Variants in STXBP5 observed in about 807,000 individuals in gnomAD.
STXBP5 encodes syntaxin-binding protein 5.
Under a neutral mutation model 152.4 loss-of-function variants are expected in STXBP5, and 50 were observed. The ratio of observed to expected loss-of-function variants is 0.33; its 90% CI spans 0.26 to 0.42. STXBP5 has a LOEUF of 0.42. STXBP5 is among the 10% of genes least tolerant of loss of function. The probability of loss-of-function intolerance (pLI) is 1.00; values close to 1 mark genes in which losing one functional copy is unlikely to be tolerated. For missense variants in STXBP5, 1,167 were observed against 1,388.6 expected (o/e 0.84, Z 2.54); for synonymous variants, 492 against 494.7 (o/e 0.99, Z 0.07).
In STXBP5 at chr6:147,316,393, T is replaced by C. The variant is rs1782648326; in HGVS notation, c.1788T>C (p.Asn596=). 2 of 1,546,896 alleles carry C rather than the reference T, an allele frequency of 1.3e-6. No individual in the cohort carries two copies. Among genetic ancestry groups the C allele is most frequent in the East Asian group, 2.3e-5 (1 of 42,818 alleles). ...GTTCATCTGATGGGCTTCGTGATAA[T>C]GTACCTTGTTTAAAGTAAGTTATAA... ...SSSSSDGLRD[N]VPCLKVKNSP... is the part of the protein sequence containing the mutation. The change falls in exon 16 of 28, where the codon AAT becomes AAC. Residue 596 remains asparagine (N), a synonymous_variant. Coordinates refer to ENST00000321680, the MANE Select transcript of STXBP5 (RefSeq NM_001127715.4).
Position 147,364,042 on chromosome 6 carries a change from C to T in STXBP5, c.2957C>T (p.Pro986Leu). ...LRPLLDVYYL[P>L]LTNMRIARTF... is the part of the protein sequence containing the mutation. The stretch of plus-strand genomic sequence containing the variant: ...CCTCTGTTGGATGTGTATTACTTGC[C>T]CCTTACCAATATGCGGATAGCCAGA... Residue 986 changes from proline to leucine, a missense_variant, in exon 25 of 28, where the codon CCC becomes CTC. Pro to Leu is a moderately conservative substitution (Grantham distance 98). Transcript: ENST00000321680. The T allele has an allele frequency of 6.2e-7, 1 of 1,613,846 alleles. No homozygotes were observed. Among genetic ancestry groups the T allele is most frequent in the Non-Finnish European group, 8.5e-7 (1 of 1,179,970 alleles).
At chr6:147,313,762 A>T in intron 11 of STXBP5, 122 bp from the exon 12 acceptor site, 1 of 655,938 alleles carries the variant, frequency 1.5e-6, no homozygotes, top group Non-Finnish European at 2.3e-6. Context: ...ATATATTTAC[A>T]AAAATTAAAT....
chr6:147,289,560 A>G (rs1440719256), intron 8 of STXBP5, among the ~76,000 whole-genome samples: 1 of 152,156 alleles, frequency 6.6e-6, no homozygotes, highest in Non-Finnish European at 1.5e-5. Context: ...TACATGATTG[A>G]CAGAATGTTA....
chr6:147,359,140 A>C lies in STXBP5; in HGVS notation c.2362A>C (p.Lys788Gln), dbSNP rs772122708. 37 of 1,613,922 alleles carry C rather than the reference A, an allele frequency of 2.3e-5. No homozygotes were observed. Among genetic ancestry groups the C allele is most frequent in the Middle Eastern group, 1.6e-4 (1 of 6,080 alleles). Residue 788 changes from lysine to glutamine, a missense_variant, in exon 23 of 28, where the codon AAA (lysine) becomes CAA (glutamine). Physicochemically the swap from Lys to Gln is moderately conservative, Grantham distance 53. Transcript: ENST00000321680. ...SRSSSVTSIDKESREAISALH... is the reference protein window; with the variant it reads ...SRSSSVTSIDQESREAISALH... ...GAGTTCAAGTGTAACAAGCATTGAC[A>C]AAGAATCCCGAGAAGCGATCTCCGC...
At chr6:147,252,390 C>G (rs1259119614) in intron 4 of STXBP5, among the ~76,000 whole-genome samples, 1 of 151,816 alleles carries the variant, frequency 6.6e-6, no homozygotes, top group Admixed American at 6.6e-5. Flanking sequence ...CATAAATGAC[C>G]TGATAGAGCT....
intron 26 of STXBP5, among the ~76,000 whole-genome samples, chr6:147,375,194 T>C (rs1214710891): frequency 6.6e-6 from 1 of 152,052 alleles, no homozygotes; most frequent in Non-Finnish European, 1.5e-5. Context: ...ATTAATAAAA[T>C]AGAAAAGGCA....
chr6:147,237,400 T>C (rs1778332347), intron 3 of STXBP5, among the ~76,000 whole-genome samples: 1 of 152,154 alleles, frequency 6.6e-6, no homozygotes, highest in African/African-American at 2.4e-5. Context: ...ACTGTATAGG[T>C]GAAGGAGCCA....
At chr6:147,332,366 A>G (rs1032313408) in intron 18 of STXBP5, among the ~76,000 whole-genome samples, 2 of 152,216 alleles carry the variant, frequency 1.3e-5, no homozygotes, top group African/African-American at 4.8e-5. Flanking sequence ...AAAGTACTTG[A>G]AGGAGGATTT....
intron 2 of STXBP5, among the ~76,000 whole-genome samples, chr6:147,222,241 C>G (rs1000532724): frequency 6.6e-6 from 1 of 152,176 alleles, no homozygotes; most frequent in African/African-American, 2.4e-5. Flanking sequence ...TGCAACATTA[C>G]TGCCATTTCG....
chr6:147,380,657 A>T (rs1008383177), intron 26 of STXBP5, among the ~76,000 whole-genome samples: 1 of 151,994 alleles, frequency 6.6e-6, no homozygotes, highest in Admixed American at 6.6e-5. Context: ...AAAAAAAAAG[A>T]TTGATTGGAA....
At chr6:147,326,907 T>C (rs1054499045) in intron 17 of STXBP5, among the ~76,000 whole-genome samples, 2 of 152,198 alleles carry the variant, frequency 1.3e-5, no homozygotes, top group African/African-American at 4.8e-5. Flanking sequence ...AATAATGCAG[T>C]TGATTGATTT....
intron 2 of STXBP5, among the ~76,000 whole-genome samples, chr6:147,220,667 GA>G (rs1420901708): frequency 6.6e-6 from 1 of 152,082 alleles, no homozygotes; most frequent in Non-Finnish European, 1.5e-5. Context: ...GTCTGTGTCT[GA>G]AATTAATATA....
At chr6:147,285,394 A>G (rs570633119) in intron 8 of STXBP5, among the ~76,000 whole-genome samples, 13 of 152,278 alleles carry the variant, frequency 8.5e-5, no homozygotes, top group African/African-American at 3.1e-4. Flanking sequence ...TTATAGATGA[A>G]TAAATAAACC....
chr6:147,206,697 A>G (rs538602438), intron 2 of STXBP5, among the ~76,000 whole-genome samples: 7 of 152,104 alleles, frequency 4.6e-5, no homozygotes, highest in Non-Finnish European at 1.0e-4. Context: ...ATTTGTAAAA[A>G]CTGTTAGGTT....
intron 25 of STXBP5, among the ~76,000 whole-genome samples, chr6:147,372,627 G>A (rs939746498): frequency 2.6e-5 from 4 of 151,064 alleles, no homozygotes; most frequent in South Asian, 2.1e-4. Context: ...TAGAGACAGG[G>A]TTTCACCATG....
chr6:147,324,473 A>G (rs887345376), intron 16 of STXBP5, among the ~76,000 whole-genome samples: 3 of 151,848 alleles, frequency 2.0e-5, no homozygotes, highest in South Asian at 2.1e-4. Flanking sequence ...GAGTTTCACC[A>G]TATTAACCAG....
chr6:147,290,516 A>G (rs1178380686), intron 8 of STXBP5, among the ~76,000 whole-genome samples: 1 of 152,132 alleles, frequency 6.6e-6, no homozygotes, highest in Non-Finnish European at 1.5e-5. Context: ...TACAGTGAAC[A>G]TGTAGAAATA....
rs189544070 is a variant in STXBP5 at position 147,253,474 on chromosome 6, A to G, written c.432-7141A>G. Among the ~76,000 whole-genome samples the G allele has an allele frequency of 3.6e-4, 55 of 152,330 alleles. No homozygotes were observed. In the East Asian group the frequency reaches 9.3e-3, roughly 26 times the overall value. ...TGGCCGAGGCAGTCAGGCAAGAGAA[A>G]GAAATAAAGGATATTCAAACAGGAA... On this transcript the variant is annotated intron_variant, in intron 4 of 27. Transcript: ENST00000321680.
intron 2 of STXBP5, among the ~76,000 whole-genome samples, chr6:147,227,529 C>A (rs1777781092): frequency 6.6e-6 from 1 of 152,130 alleles, no homozygotes; most frequent in Non-Finnish European, 1.5e-5. Flanking sequence ...TCTCCCCTCC[C>A]CTGTAGTCTT....
Sources: allele counts gnomAD v4.1 joint callset (sites outside exome capture counted in the v4.1 genomes callset), GRCh38; gene constraint gnomAD v4.1.1; transcripts MANE v1.5; gene names NCBI Gene and HGNC (gene_info 2026-07-23, HGNC 2026-07-21).